The following ANO2 variants were observed in gnomAD, a reference collection of about 807,000 sequenced individuals.
ANO2 encodes the protein anoctamin 2.
Under a neutral mutation model 124.2 loss-of-function variants are expected in ANO2, and 101 were observed. That is an observed-to-expected ratio of 0.81 (90% CI 0.69 to 0.96). The LOEUF (loss-of-function observed/expected upper bound fraction) is 0.96, where lower values mean the gene tolerates loss of function less well. ANO2 is among the 40% of genes least tolerant of loss of function. The pLI, the probability that ANO2 is intolerant of heterozygous loss-of-function variation, is 0.00. For missense variants in ANO2, 1,293 were observed against 1,274.5 expected (o/e 1.01, Z -0.22); for synonymous variants, 486 against 482.5 (o/e 1.01, Z -0.09).
chr12:5,610,460 T>G (rs1219760448), intron 19 of ANO2, among the ~76,000 whole-genome samples: 2 of 137,276 alleles, frequency 1.5e-5, no homozygotes, highest in Non-Finnish European at 3.1e-5. Flanking sequence ...TATACATAAA[T>G]ATATATACAT....
In ANO2 at chr12:5,636,118, T is replaced by C. The variant is rs967073012; in HGVS notation, c.1621-771A>G. 6.6e-6 allele frequency among the ~76,000 whole-genome samples: 1 copy of C among 152,230 alleles called. No homozygotes were observed. Among genetic ancestry groups the C allele is most frequent in the Non-Finnish European group, 1.5e-5 (1 of 68,050 alleles). ...ATTTGGTAGAGAAATGTCTAGCTGC[T>C]GTGCTCCAAAAGGAGGGTTATAGCC... On this transcript the variant is annotated intron_variant, in intron 15 of 24. Coordinates refer to ENST00000682330, the MANE Select transcript of ANO2 (RefSeq NM_001364791.2). This position sits in a 1 kb window ranked among gnomAD's most constrained non-coding sequence, Gnocchi z 4.6.
chr12:5,820,797 T>C (rs1335269789), intron 7 of ANO2, among the ~76,000 whole-genome samples: 1 of 152,262 alleles, frequency 6.6e-6, no homozygotes. Context: ...AGGGGATTAC[T>C]GTAAGCTTAA....
In ANO2 at chr12:5,635,677, G is replaced by C. The variant is rs1042005126; in HGVS notation, c.1621-330C>G. On this transcript the variant is annotated intron_variant, in intron 15 of 24. Transcript: ENST00000682330. The surrounding 1 kb of genome is among the most constrained non-coding windows in gnomAD (Gnocchi z 5.2). ...CTGTGGAGTGTTCAACACACATGAC[G>C]CAATTTCTTTCATTAGGGAGCTTTT... is the stretch of plus-strand genomic sequence containing the variant. Among the ~76,000 whole-genome samples the C allele has an allele frequency of 6.6e-6, 1 of 151,204 alleles. No individual in the cohort carries two copies. The highest frequency in any genetic ancestry group is 2.4e-5 in the African/African-American group (1 of 41,020).
chr12:5,814,154 C>T (rs991336284), intron 7 of ANO2, among the ~76,000 whole-genome samples: 4 of 152,232 alleles, frequency 2.6e-5, no homozygotes, highest in East Asian at 1.9e-4. Flanking sequence ...CCCAATTCCA[C>T]GTTGCAGTGA....
At chr12:5,741,208 G>A (rs1049353457) in intron 12 of ANO2, 1 of 152,174 alleles carries the variant, frequency 6.6e-6, no homozygotes, top group African/African-American at 2.4e-5. Context: ...AACTTTTCCT[G>A]GCTCTTAGCT....
At chr12:5,829,318 C>A (rs778950243) in intron 6 of ANO2, among the ~76,000 whole-genome samples, 79 of 152,190 alleles carry the variant, frequency 5.2e-4, no homozygotes, top group Admixed American at 9.8e-4. Context: ...GTAATAGCAT[C>A]AACCAAGAAA....
chr12:5,638,731 C>T (rs997235236), intron 15 of ANO2, among the ~76,000 whole-genome samples: 14 of 151,936 alleles, frequency 9.2e-5, no homozygotes, highest in African/African-American at 2.9e-4. Context: ...GGTAAAGATT[C>T]GCTGGTCAGC....
intron 1 of ANO2, among the ~76,000 whole-genome samples, chr12:5,927,650 G>C (rs2136312163): frequency 6.6e-6 from 1 of 152,284 alleles, no homozygotes; most frequent in South Asian, 2.1e-4. Flanking sequence ...TTACACCAAA[G>C]TACAAACAGC....
At chr12:5,719,084 T>C (rs1950125374) in intron 14 of ANO2, among the ~76,000 whole-genome samples, 1 of 152,232 alleles carries the variant, frequency 6.6e-6, no homozygotes, top group Admixed American at 6.5e-5. Context: ...ATTGTCTGAC[T>C]AGATCTTAAC....
chr12:5,616,923 A>C (rs1378531430), intron 16 of ANO2, among the ~76,000 whole-genome samples: 2 of 139,378 alleles, frequency 1.4e-5, no homozygotes, highest in African/African-American at 2.8e-5. Flanking sequence ...CAAACTCTCC[A>C]GATCACACAG....
intron 16 of ANO2, among the ~76,000 whole-genome samples, chr12:5,628,686 G>T (rs1163197761): frequency 6.6e-6 from 1 of 151,594 alleles, no homozygotes. Flanking sequence ...GTGTGTGTGT[G>T]TGCGCGCGCG....
chr12:5,880,059 T>C (rs1938376203), intron 3 of ANO2, among the ~76,000 whole-genome samples: 1 of 151,934 alleles, frequency 6.6e-6, no homozygotes, highest in Non-Finnish European at 1.5e-5. Flanking sequence ...ATACGGGAAA[T>C]GGAATTGACA....
rs375457985 is a variant in ANO2 at position 5,732,596 on chromosome 12, C to T, written c.1469G>A (p.Arg490Gln). Residue 490 changes from arginine to glutamine, a missense_variant, in exon 14 of 25, where the codon CGA becomes CAA. By Grantham distance (43) the Arg-to-Gln change is conservative (BLOSUM62 1). Coordinates refer to ENST00000682330, the MANE Select transcript of ANO2 (RefSeq NM_001364791.2). ...GTTGCTCTCCTTTAGCATTTTCTCT[C>T]GAACTTTGGTTTCATACTCAGGCCT... Reference protein sequence around the residue: ...HSRPEYETKVREKMLKESNQS... With the variant: ...HSRPEYETKVQEKMLKESNQS... The T allele has an allele frequency of 9.5e-5, 154 of 1,613,870 alleles. No individual in the cohort carries two copies. The highest frequency in any genetic ancestry group is 1.2e-4 in the Non-Finnish European group (144 of 1,179,838).
At chr12:5,626,881 C>T (rs779603447) in intron 16 of ANO2, among the ~76,000 whole-genome samples, 1 of 152,186 alleles carries the variant, frequency 6.6e-6, no homozygotes, top group Non-Finnish European at 1.5e-5. Context: ...AGCACCACAG[C>T]CCTTCCTTCT....
chr12:5,906,669 C>A (rs1393955061), intron 3 of ANO2, among the ~76,000 whole-genome samples: 1 of 152,006 alleles, frequency 6.6e-6, no homozygotes, highest in Non-Finnish European at 1.5e-5. Context: ...GTGGTGCGCA[C>A]CTGTAGTCCC....
intron 22 of ANO2, among the ~76,000 whole-genome samples, chr12:5,577,503 G>A (rs765579020): frequency 1.3e-5 from 2 of 152,232 alleles, no homozygotes; most frequent in Non-Finnish European, 2.9e-5. Flanking sequence ...CTTAACCTAC[G>A]CAGTGCCAGA....
At chr12:5,840,792 T>C (rs780305266) in intron 4 of ANO2, among the ~76,000 whole-genome samples, 3 of 152,170 alleles carry the variant, frequency 2.0e-5, no homozygotes, top group Non-Finnish European at 2.9e-5. Context: ...ATCGTCCGCC[T>C]CTTTTTATTT....
chr12:5,823,528 T>C (rs1225518327), intron 7 of ANO2, among the ~76,000 whole-genome samples: 1 of 152,242 alleles, frequency 6.6e-6, no homozygotes, highest in Non-Finnish European at 1.5e-5. Flanking sequence ...TGATGCAAGA[T>C]GTTGGTTCCC....
chr12:5,820,543 C>A (rs1246553381), intron 7 of ANO2, among the ~76,000 whole-genome samples: 1 of 152,198 alleles, frequency 6.6e-6, no homozygotes, highest in Middle Eastern at 3.2e-3. Flanking sequence ...GCAGAACCCC[C>A]ACATCGGCTC....
Sources: allele counts gnomAD v4.1 joint callset (sites outside exome capture counted in the v4.1 genomes callset), GRCh38; gene constraint gnomAD v4.1.1; non-coding constraint Gnocchi (gnomAD v3.1); transcripts MANE v1.5; gene names NCBI Gene and HGNC (gene_info 2026-07-23, HGNC 2026-07-21).